Variants in FHIP1B observed in about 807,000 individuals in gnomAD.
The protein encoded by FHIP1B is FHF complex subunit HOOK interacting protein 1B, also known as FHF complex subunit HOOK-interacting protein 1B.
Under a neutral mutation model 82.2 loss-of-function variants are expected in FHIP1B, and 28 were observed. The observed-to-expected ratio is 0.34, with a 90% CI of 0.25 to 0.47. FHIP1B has a LOEUF of 0.47. Among genes scored for constraint, FHIP1B ranks in the 20% least tolerant of loss-of-function variants. The pLI is 1.00. For synonymous variants in FHIP1B, 585 were observed against 516.1 expected (o/e 1.13, Z -1.81); for missense variants, 1,110 against 1,262.6 (o/e 0.88, Z 1.83).
intron 1 of FHIP1B, among the ~76,000 whole-genome samples, chr11:6,228,751 G>C (rs1847626914): frequency 6.6e-6 from 1 of 152,228 alleles, no homozygotes; most frequent in Admixed American, 6.5e-5. Flanking sequence ...CAGAAGCACT[G>C]CTAAGTCTTT....
chr11:6,214,571 C>G lies in FHIP1B; in HGVS notation c.2397G>C (p.Val799=), dbSNP rs773757036. 6.2e-7 allele frequency: 1 copy of G among 1,611,136 alleles called. No individual in the cohort carries two copies. The highest frequency in any genetic ancestry group is 8.5e-7 in the Non-Finnish European group (1 of 1,178,198). The change falls in exon 11 of 12, where the codon GTG becomes GTC. Residue 799 remains valine, a splice_region_variant and synonymous_variant. Transcript: ENST00000449352. ...FQPSVKSLLQ[V]LGSVKNKIEN... is the part of the protein sequence containing the mutation. ...CAATCTTATTCTTCACAGAGCCCAG[C>G]ACCTATGAAGCACACCTTCGTGACA...
At chr11:6,212,726 C>T (rs1006315097) in intron 11 of FHIP1B, among the ~76,000 whole-genome samples, 2 of 152,294 alleles carry the variant, frequency 1.3e-5, no homozygotes, top group Admixed American at 1.3e-4. Context: ...AATACCATAC[C>T]GAGCTATTAA....
chr11:6,225,641 A>G (rs1847544096), intron 1 of FHIP1B, among the ~76,000 whole-genome samples: 1 of 152,222 alleles, frequency 6.6e-6, no homozygotes, highest in African/African-American at 2.4e-5. Context: ...TAAGTGAGTG[A>G]ATGAATGAAT....
Position 6,223,215 on chromosome 11 carries a change from G to T in FHIP1B, c.801C>A (p.Ala267=). ...TCTTTCGAGGCAGTGATGAGTACAG[G>T]GCACTGAGCCCTGTGGCCAGCACCT... ...FCPVLATGLS[A]LYSSLPRKIE... Residue 267 remains alanine, a synonymous_variant, in exon 4 of 12, where the codon GCC becomes GCA. Coordinates refer to ENST00000449352, the MANE Select transcript of FHIP1B (RefSeq NM_001098794.2). This position sits in a 1 kb window ranked among gnomAD's most constrained non-coding sequence, Gnocchi z 4.8. 2 of 1,593,686 alleles carry T rather than the reference G, an allele frequency of 1.3e-6. No homozygotes were observed. The highest frequency in any genetic ancestry group is 1.7e-6 in the Non-Finnish European group (2 of 1,175,314).
At chr11:6,226,436 A>G (rs1349672428) in intron 1 of FHIP1B, among the ~76,000 whole-genome samples, 4 of 152,252 alleles carry the variant, frequency 2.6e-5, no homozygotes, top group Non-Finnish European at 5.9e-5. Context: ...AATATTGTAA[A>G]TAGAAGTATT....
intron 1 of FHIP1B, among the ~76,000 whole-genome samples, chr11:6,225,999 TCTC>T (rs1847554569): frequency 6.6e-6 from 1 of 152,012 alleles, no homozygotes; most frequent in Non-Finnish European, 1.5e-5. Context: ...CATAGTTCCT[TCTC>T]CTTTACAGCC....
intron 8 of FHIP1B, 60 bp downstream of exon 8, chr11:6,218,540 C>A (rs763605148): frequency 6.2e-7 from 1 of 1,607,364 alleles, no homozygotes; most frequent in Non-Finnish European, 8.5e-7. Context: ...CTACGCTCCC[C>A]CAGAACCTAG....
intron 1 of FHIP1B, among the ~76,000 whole-genome samples, chr11:6,233,320 T>A (rs530536688): frequency 8.5e-4 from 130 of 152,292 alleles, no homozygotes; most frequent in African/African-American, 2.8e-3. Flanking sequence ...ACCCCATGGC[T>A]GACTAGCAGT....
chr11:6,215,955 C>T (rs1847214706), intron 9 of FHIP1B, among the ~76,000 whole-genome samples: 1 of 152,164 alleles, frequency 6.6e-6, no homozygotes, highest in Non-Finnish European at 1.5e-5. Context: ...AGCTTCAAAA[C>T]AACTCTAGCT....
At chr11:6,225,336 CT>C (rs1374457779) in intron 1 of FHIP1B, among the ~76,000 whole-genome samples, 2 of 152,330 alleles carry the variant, frequency 1.3e-5, no homozygotes, top group South Asian at 4.1e-4. Context: ...CCTTCTCCTG[CT>C]TTTCACATTG....
rs769146374 is a variant in FHIP1B at position 6,224,360 on chromosome 11, T to C, written c.138+19A>G. 6 of 1,614,220 alleles carry C rather than the reference T, an allele frequency of 3.7e-6. No individual in the cohort carries two copies. The highest frequency in any genetic ancestry group is 5.1e-6 in the Non-Finnish European group (6 of 1,180,036). On this transcript the variant is annotated intron_variant, in intron 2 of 11. Transcript: ENST00000449352. Reference sequence around the variant, plus strand: ...TCAGGTGATCAGCAGACAAGGCCCTTTGCCATACAGTCTCCTACCTGGGAC... The same window carrying C: ...TCAGGTGATCAGCAGACAAGGCCCTCTGCCATACAGTCTCCTACCTGGGAC...
rs549818068 is a variant in FHIP1B at position 6,223,988 on chromosome 11, T to C, written c.399A>G (p.Leu133=). The C allele has an allele frequency of 3.7e-6, 6 of 1,613,976 alleles. No homozygotes were observed. Among genetic ancestry groups the C allele is most frequent in the Non-Finnish European group, 4.2e-6 (5 of 1,180,030 alleles). The change falls in exon 3 of 12, where the codon CTA becomes CTG. Residue 133 remains leucine (L), a synonymous_variant. Coordinates refer to ENST00000449352, the MANE Select transcript of FHIP1B (RefSeq NM_001098794.2). The surrounding 1 kb of genome is among the most constrained non-coding windows in gnomAD (Gnocchi z 4.8). ...VEERRAEQLK[L]FEMLVSEARQ... Reference sequence around the variant, plus strand: ...GAGCTTCGCTCACTAGCATTTCAAATAGTTTCAGTTGCTCAGCCCGCCGTT... The same window carrying C: ...GAGCTTCGCTCACTAGCATTTCAAACAGTTTCAGTTGCTCAGCCCGCCGTT...
Position 6,222,625 on chromosome 11 carries a change from G to T in FHIP1B, c.1024-16C>A. On this transcript the variant is annotated splice_polypyrimidine_tract_variant and intron_variant, in intron 5 of 11. Coordinates refer to ENST00000449352, the MANE Select transcript of FHIP1B (RefSeq NM_001098794.2). ...CCACAGAGGTCTGCACAAAAAGAAG[G>T]GAAAGTCTGGAAATGCACAGCTTCC... 1 of 1,612,856 alleles carries T rather than the reference G, an allele frequency of 6.2e-7. No individual in the cohort carries two copies. Among genetic ancestry groups the T allele is most frequent in the South Asian group, 1.1e-5 (1 of 91,020 alleles).
chr11:6,223,067 C>A lies in FHIP1B; in HGVS notation c.936+13G>T, dbSNP rs780027720. 6.3e-7 allele frequency: 1 copy of A among 1,575,274 alleles called. No individual in the cohort carries two copies. The highest frequency in any genetic ancestry group is 8.6e-7 in the Non-Finnish European group (1 of 1,162,126). ...CTCCCAAAAATGACCAAGGGCCAGA[C>A]TTTCAGTCCTACCTGAATTACTGCA... On this transcript the variant is annotated intron_variant, in intron 4 of 11. Coordinates refer to ENST00000449352, the MANE Select transcript of FHIP1B (RefSeq NM_001098794.2). This position sits in a 1 kb window ranked among gnomAD's most constrained non-coding sequence, Gnocchi z 4.8.
chr11:6,217,330 A>G (rs748760819), intron 9 of FHIP1B, 41 bp downstream of exon 9: 18 of 1,567,350 alleles, frequency 1.1e-5, no homozygotes, highest in South Asian at 7.8e-5. Context: ...GAGAACATGC[A>G]AAGAGTACAC....
At chr11:6,226,603 C>T (rs1459287301) in intron 1 of FHIP1B, among the ~76,000 whole-genome samples, 1 of 152,070 alleles carries the variant, frequency 6.6e-6, no homozygotes, top group Non-Finnish European at 1.5e-5. Flanking sequence ...AAAAACAGTA[C>T]GTACAAAACT....
In FHIP1B at chr11:6,222,894, C is replaced by T. The variant is rs769056778; in HGVS notation, c.940G>A (p.Ala314Thr). 5.0e-6 allele frequency: 8 copies of T among 1,613,850 alleles called. No homozygotes were observed. The highest frequency in any genetic ancestry group is 5.9e-6 in the Non-Finnish European group (7 of 1,179,924). ...AACTGCTTCTGCACCAGGGGGTGAG[C>T]CACCTGTAGGAGTGCCAGAGAGAAG... ...LEFCNAVIQV[A>T]HPLVQKQLVD... The change falls in exon 5 of 12, where the codon GCT becomes ACT. Residue 314 changes from alanine (A) to threonine (T), a missense_variant. Transcript: ENST00000449352.
At chr11:6,216,130 C>G (rs1264689358) in intron 9 of FHIP1B, among the ~76,000 whole-genome samples, 1 of 152,232 alleles carries the variant, frequency 6.6e-6, no homozygotes, top group Non-Finnish European at 1.5e-5. Context: ...ACGCTATCAC[C>G]TAGTGGTACT....
Position 6,211,828 on chromosome 11 carries a change from C to T in FHIP1B, c.2597G>A (p.Arg866Gln), listed in dbSNP as rs374707309. ...GGCCCTGGTTGGACTGTGTGCATGC[C>T]GCAGGAGTAACTCCCCCAAGGATGG... ...RRPSLGELLLRHAHSPTRARQ... is the reference protein window; with the variant it reads ...RRPSLGELLLQHAHSPTRARQ... The change falls in exon 12 of 12, where the codon CGG becomes CAG. Residue 866 changes from arginine (R) to glutamine (Q), a missense_variant. Coordinates refer to ENST00000449352, the MANE Select transcript of FHIP1B (RefSeq NM_001098794.2). 1.3e-6 allele frequency: 2 copies of T among 1,597,142 alleles called. No individual in the cohort carries two copies. Among genetic ancestry groups the T allele is most frequent in the Non-Finnish European group, 1.7e-6 (2 of 1,173,330 alleles).
Sources: allele counts gnomAD v4.1 joint callset (sites outside exome capture counted in the v4.1 genomes callset), GRCh38; gene constraint gnomAD v4.1.1; non-coding constraint Gnocchi (gnomAD v3.1); transcripts MANE v1.5; gene names NCBI Gene and HGNC (gene_info 2026-07-23, HGNC 2026-07-21).